The following MICAL3 variants were observed in gnomAD, a reference collection of about 807,000 sequenced individuals.
MICAL3 encodes the protein [F-actin]-monooxygenase MICAL3.
A neutral mutation model predicts 207.4 loss-of-function variants in MICAL3; 62 were observed. The observed-to-expected ratio is 0.30, with a 90% CI of 0.24 to 0.37. The LOEUF is 0.37. Among genes scored for constraint, MICAL3 ranks in the 10% least tolerant of loss-of-function variants. MICAL3 has a pLI of 1.00. For missense variants in MICAL3, 2,368 were observed against 2,635.6 expected (o/e 0.90, Z 2.22); for synonymous variants, 1,077 against 1,069.3 (o/e 1.01, Z -0.14).
intron 1 of MICAL3, among the ~76,000 whole-genome samples, chr22:17,979,635 C>T (rs5992144): frequency 6.6e-6 from 1 of 152,066 alleles, no homozygotes; most frequent in African/African-American, 2.4e-5. Context: ...CGGCATCCAG[C>T]GCCTTCTACA....
intron 25 of MICAL3, among the ~76,000 whole-genome samples, chr22:17,819,735 C>A (rs912565688): frequency 6.6e-6 from 1 of 151,476 alleles, no homozygotes; most frequent in Non-Finnish European, 1.5e-5. Flanking sequence ...GTCAGGAGAT[C>A]GAGACCATCC....
At chr22:17,983,542 T>G (rs998258115) in intron 1 of MICAL3, 1 of 151,174 alleles carries the variant, frequency 6.6e-6, no homozygotes, top group Non-Finnish European at 1.5e-5. Context: ...CAGACTCAGC[T>G]GCACCTCCAA....
At chr22:17,890,997 A>G (rs1280576790) in intron 12 of MICAL3, among the ~76,000 whole-genome samples, 4 of 152,212 alleles carry the variant, frequency 2.6e-5, no homozygotes, top group Admixed American at 1.3e-4. Flanking sequence ...GAAAATACCA[A>G]TGAACCATCA....
At chr22:17,825,989 C>T (rs537215383) in intron 22 of MICAL3, among the ~76,000 whole-genome samples, 2 of 152,314 alleles carry the variant, frequency 1.3e-5, no homozygotes, top group East Asian at 1.9e-4. Flanking sequence ...TGCTGAATAG[C>T]ACCCGCCCAT....
chr22:17,800,345 T>G (rs1210804216), intron 29 of MICAL3, among the ~76,000 whole-genome samples: 1 of 152,168 alleles, frequency 6.6e-6, no homozygotes, highest in African/African-American at 2.4e-5. Context: ...TCTGTTCTAG[T>G]GCAATAAAGC....
chr22:17,845,753 C>T (rs1358218250), intron 19 of MICAL3, among the ~76,000 whole-genome samples: 1 of 152,184 alleles, frequency 6.6e-6, no homozygotes, highest in Admixed American at 6.5e-5. Context: ...AAAAACCAGG[C>T]ACATGTTCGC....
intron 1 of MICAL3, among the ~76,000 whole-genome samples, chr22:17,956,909 C>G (rs1934641690): frequency 6.6e-6 from 1 of 152,228 alleles, no homozygotes; most frequent in Non-Finnish European, 1.5e-5. Flanking sequence ...ACTTACAAAA[C>G]CGCATTTCTC....
chr22:17,845,284 C>G (rs1285974126), intron 19 of MICAL3, among the ~76,000 whole-genome samples: 1 of 152,112 alleles, frequency 6.6e-6, no homozygotes, highest in Non-Finnish European at 1.5e-5. Flanking sequence ...GTAGAGTGAA[C>G]GAAACTTGGG....
At chr22:17,824,829 G>A (rs1197528660) in intron 22 of MICAL3, among the ~76,000 whole-genome samples, 2 of 152,182 alleles carry the variant, frequency 1.3e-5, no homozygotes, top group Non-Finnish European at 2.9e-5. Context: ...GGCCACTCAA[G>A]GAAGACAGTT....
intron 16 of MICAL3, among the ~76,000 whole-genome samples, chr22:17,883,821 T>G (rs1201843655): frequency 6.6e-6 from 1 of 152,176 alleles, no homozygotes; most frequent in East Asian, 1.9e-4. Flanking sequence ...CACAAACTCA[T>G]AGTTCCAGAC....
intron 1 of MICAL3, among the ~76,000 whole-genome samples, chr22:17,957,026 A>C (rs1934647171): frequency 6.6e-6 from 1 of 152,236 alleles, no homozygotes; most frequent in African/African-American, 2.4e-5. Flanking sequence ...GGAGTCTCTC[A>C]CATAGAAAAA....
intron 21 of MICAL3, among the ~76,000 whole-genome samples, chr22:17,829,717 G>T (rs993599336): frequency 6.6e-6 from 1 of 152,238 alleles, no homozygotes; most frequent in Non-Finnish European, 1.5e-5. Flanking sequence ...AAACATTAAA[G>T]GCACCTGCAC....
intron 29 of MICAL3, among the ~76,000 whole-genome samples, chr22:17,804,906 A>G (rs963981193): frequency 6.6e-6 from 1 of 152,232 alleles, no homozygotes; most frequent in Non-Finnish European, 1.5e-5. Context: ...AAGGCTTCCC[A>G]GGTGCCCCAG....
At chr22:17,985,846 C>G (rs937039391) in intron 1 of MICAL3, among the ~76,000 whole-genome samples, 1 of 152,168 alleles carries the variant, frequency 6.6e-6, no homozygotes, top group Non-Finnish European at 1.5e-5. Context: ...CCAGGCCCTG[C>G]AGAACTCATG....
chr22:17,873,252 G>GCA (rs765296022), intron 16 of MICAL3, among the ~76,000 whole-genome samples: 9 of 152,246 alleles, frequency 5.9e-5, no homozygotes, highest in Non-Finnish European at 1.3e-4. Context: ...GCACCCCCAT[G>GCA]CACGCAGCAG....
At chr22:17,852,141 A>C (rs529100081) in intron 19 of MICAL3, among the ~76,000 whole-genome samples, 6 of 152,202 alleles carry the variant, frequency 3.9e-5, no homozygotes, top group African/African-American at 9.7e-5. Flanking sequence ...CCACAGAGAC[A>C]AACCCACGTT....
At chr22:17,969,970 G>T (rs1404465527) in intron 1 of MICAL3, among the ~76,000 whole-genome samples, 2 of 152,198 alleles carry the variant, frequency 1.3e-5, no homozygotes, top group Non-Finnish European at 2.9e-5. Context: ...GAGGAGAAGG[G>T]CACTCTGAGG....
chr22:17,945,008 C>CT (rs10533905), intron 1 of MICAL3, among the ~76,000 whole-genome samples: 171 of 138,050 alleles, frequency 1.2e-3, no homozygotes, highest in Middle Eastern at 7.2e-3. Context: ...ACTGGGGGAC[C>CT]TTTTTTTTTT....
In MICAL3 at chr22:17,929,093, C is replaced by CT. The variant is rs58091241; in HGVS notation, c.-74-22208dup. ...CAAGCATGAGCCACGGTGCCCGGCC[C>CT]TTTTTTTTTTTTTTCCTTTTTTAAA... On this transcript the variant is annotated intron_variant, in intron 1 of 31. Transcript: ENST00000441493. Among the ~76,000 whole-genome samples the CT allele has an allele frequency of 5.7e-3, 788 of 137,486 alleles. 2 individuals carry two copies. Among genetic ancestry groups the CT allele is most frequent in the African/African-American group, 0.011 (430 of 37,810 alleles). 90.2% of individuals were successfully genotyped at this position (137,486 alleles called of 152,430 possible).
Sources: allele counts gnomAD v4.1 joint callset (sites outside exome capture counted in the v4.1 genomes callset), GRCh38; gene constraint gnomAD v4.1.1; transcripts MANE v1.5; gene names NCBI Gene and HGNC (gene_info 2026-07-23, HGNC 2026-07-21).